PCGF5: variants seen among roughly 807,000 people sequenced by gnomAD.
PCGF5 encodes polycomb group ring finger 5.
A neutral mutation model predicts 44.3 loss-of-function variants in PCGF5; 9 were observed. The ratio of observed to expected loss-of-function variants is 0.20; its 90% CI spans 0.12 to 0.35. The LOEUF (loss-of-function observed/expected upper bound fraction) is 0.35. Among genes scored for constraint, PCGF5 ranks in the 10% least tolerant of loss-of-function variants. The pLI, the probability that PCGF5 is intolerant of heterozygous loss-of-function variation, is 1.00. For synonymous variants in PCGF5, 95 were observed against 102.5 expected, an observed-to-expected ratio of 0.93 and a Z score of 0.44; for missense variants, 146 against 305.3, an observed-to-expected ratio of 0.48 and a Z score of 3.89.
At chr10:91,160,659 G>A (rs900822203), upstream of PCGF5, among the ~76,000 whole-genome samples, 1 of 151,998 alleles carries the variant, frequency 6.6e-6, no homozygotes, top group East Asian at 1.9e-4. Flanking sequence ...GAAGTCAGGC[G>A]GAGATATATG....
Position 91,238,737 on chromosome 10 carries a change from G to A in PCGF5, c.113-1747G>A, listed in dbSNP as rs1845246717. Among the ~76,000 whole-genome samples the A allele has an allele frequency of 4.1e-5, 6 of 147,990 alleles. No homozygotes were observed. The South Asian group carries it at 1.3e-3, about 32-fold the overall frequency. On this transcript the variant is annotated intron_variant, in intron 2 of 9. Coordinates refer to ENST00000336126, the MANE Select transcript of PCGF5 (RefSeq NM_032373.5). ...CTTCTCTGTCTTCTACTTCAACTTG[G>A]CATAATAAGGCAGTCCTCTCTTCCC...
chr10:91,222,673 A>G lies in PCGF5; in HGVS notation c.-183-16A>G, dbSNP rs1013516645. 9.8e-5 allele frequency: 50 copies of G among 512,556 alleles called. 1 individual carries two copies. The Admixed American group carries it at 1.7e-3, about 18-fold the overall frequency. 31.8% of individuals were successfully genotyped at this position (512,556 alleles called of 1,614,324 possible). A position where few individuals can be genotyped will look rare whatever the true frequency, so the allele number is the denominator to read the frequency against. ...CGCTTTTTTCTCTCATCTTTTTGAA[A>G]TGATTTTGGAAACAGACATGGGAAA... On this transcript the variant is annotated splice_polypyrimidine_tract_variant and intron_variant, in intron 1 of 9. Coordinates refer to ENST00000336126, the MANE Select transcript of PCGF5 (RefSeq NM_032373.5).
At chr10:91,235,260 C>T (rs537035704) in intron 2 of PCGF5, among the ~76,000 whole-genome samples, 9 of 152,280 alleles carry the variant, frequency 5.9e-5, no homozygotes, top group Non-Finnish European at 1.2e-4. Context: ...AATTAGTGAT[C>T]ATGATGCCCA....
intron 8 of PCGF5, among the ~76,000 whole-genome samples, chr10:91,270,013 A>C (rs1846140363): frequency 1.3e-5 from 2 of 152,198 alleles, no homozygotes; most frequent in Non-Finnish European, 1.5e-5. Flanking sequence ...TTATATACTG[A>C]AGTGTTTAGC....
At chr10:91,225,291 T>C (rs1334413838) in intron 2 of PCGF5, among the ~76,000 whole-genome samples, 3 of 147,412 alleles carry the variant, frequency 2.0e-5, no homozygotes, top group Admixed American at 6.8e-5. Flanking sequence ...ATATATAACA[T>C]ATATATAACA....
chr10:91,252,848 G>A lies in PCGF5; in HGVS notation c.474+1408G>A, dbSNP rs562638971. Among the ~76,000 whole-genome samples, 197 of 152,076 alleles carry A rather than the reference G, an allele frequency of 1.3e-3. 1 individual carries two copies. Among genetic ancestry groups the A allele is most frequent in the African/African-American group, 4.4e-3 (182 of 41,504 alleles). ...TTCTCATATGAAAGTATAAAAGATT[G>A]AATTTTAGAAATTTATTTGAAAAAT... On this transcript the variant is annotated intron_variant, in intron 6 of 9. Transcript: ENST00000336126.
At chr10:91,181,306 G>A (rs1275122461) in intron 1 of PCGF5, among the ~76,000 whole-genome samples, 1 of 152,182 alleles carries the variant, frequency 6.6e-6, no homozygotes, top group Non-Finnish European at 1.5e-5. Context: ...TAAAAACAGG[G>A]ATAGTTTGAC....
intron 1 of PCGF5, among the ~76,000 whole-genome samples, chr10:91,209,049 T>G (rs1242756430): frequency 6.6e-6 from 1 of 152,246 alleles, no homozygotes. Context: ...GTTGGCACTC[T>G]GGCCATTTGT....
intron 1 of PCGF5, among the ~76,000 whole-genome samples, chr10:91,185,226 G>A (rs1177518851): frequency 1.3e-5 from 2 of 152,168 alleles, no homozygotes; most frequent in Non-Finnish European, 2.9e-5. Flanking sequence ...CTGGAGGCCT[G>A]GGTTGGGAGG....
chr10:91,190,574 G>A (rs907661554), intron 1 of PCGF5, among the ~76,000 whole-genome samples: 1 of 152,202 alleles, frequency 6.6e-6, no homozygotes, highest in Non-Finnish European at 1.5e-5. Context: ...GGTGAGGAAA[G>A]TTGATTGGTG....
intron 1 of PCGF5, among the ~76,000 whole-genome samples, chr10:91,179,799 G>A (rs749572565): frequency 3.3e-5 from 5 of 152,130 alleles, no homozygotes; most frequent in Non-Finnish European, 7.4e-5. Context: ...GAATAGTGCT[G>A]TGATAAACAT....
At chr10:91,259,470 A>T (rs1845839946) in intron 6 of PCGF5, among the ~76,000 whole-genome samples, 1 of 152,108 alleles carries the variant, frequency 6.6e-6, no homozygotes, top group Admixed American at 6.6e-5. Context: ...ATTGGAAAAA[A>T]CTAAAGTTCA....
At position 91,248,517 on chromosome 10, in the gene PCGF5, A is replaced by C; in HGVS notation, c.222A>C (p.Thr74=). The part of the protein sequence containing the change: ...NPLEMLRLDN[T]LEEIIFKLVP... ...CCCCCTTTCGAAGGTTGGACAATAC[A>C]TTAGAGGAAATTATATTTAAGCTGG... Residue 74 remains threonine, a synonymous_variant, in exon 4 of 10, where the codon ACA becomes ACC. Transcript: ENST00000336126. 3 of 1,612,862 alleles carry C rather than the reference A, an allele frequency of 1.9e-6. No homozygotes were observed. The highest frequency in any genetic ancestry group is 1.7e-6 in the Non-Finnish European group (2 of 1,179,102).
At chr10:91,247,593 G>T (rs77033468) in intron 3 of PCGF5, among the ~76,000 whole-genome samples, 1 of 151,002 alleles carries the variant, frequency 6.6e-6, no homozygotes, top group Non-Finnish European at 1.5e-5. Flanking sequence ...AGGCAGGAAG[G>T]GGGTGTTGTG....
At chr10:91,181,199 T>A (rs1843813592) in intron 1 of PCGF5, among the ~76,000 whole-genome samples, 1 of 152,200 alleles carries the variant, frequency 6.6e-6, no homozygotes, top group East Asian at 1.9e-4. Flanking sequence ...TTTTTGCATA[T>A]TGATTTTGTA....
chr10:91,251,792 TTC>T (rs369480937), intron 6 of PCGF5, among the ~76,000 whole-genome samples: 16 of 152,164 alleles, frequency 1.1e-4, no homozygotes, highest in African/African-American at 3.6e-4. Context: ...CTTTTATTCA[TTC>T]TCTTCTAATT....
chr10:91,209,445 CA>C (rs200495344), intron 1 of PCGF5, among the ~76,000 whole-genome samples: 2 of 148,706 alleles, frequency 1.3e-5, no homozygotes, highest in East Asian at 3.9e-4. Flanking sequence ...TTTGTCTTTA[CA>C]AAAAAAATTA....
rs561441173 is a variant in PCGF5, at chr10:91,202,367, C to T, written c.-183-20322C>T. Among the ~76,000 whole-genome samples the T allele has an allele frequency of 1.4e-3, 211 of 152,294 alleles. 1 individual carries two copies. Among genetic ancestry groups the T allele is most frequent in the African/African-American group, 4.6e-3 (192 of 41,560 alleles). The stretch of plus-strand genomic sequence containing the variant: ...TTAATTTTTGTGAACCTAATGATTT[C>T]AGTAAAACCCACCATTGTGACCTTG... On this transcript the variant is annotated intron_variant, in intron 1 of 9. Coordinates refer to the PCGF5 transcript ENST00000614189.
intron 1 of PCGF5, among the ~76,000 whole-genome samples, chr10:91,176,477 G>A (rs994514246): frequency 2.6e-4 from 39 of 152,172 alleles, no homozygotes; most frequent in Non-Finnish European, 3.5e-4. Flanking sequence ...GATTGGGGAC[G>A]TTCTCCTGGA....
Sources: gnomAD v4.1 joint callset for allele counts (sites outside exome capture counted in the v4.1 genomes callset) on GRCh38, gnomAD v4.1.1 for gene constraint, MANE v1.5 for transcripts, NCBI Gene and HGNC (gene_info 2026-07-23, HGNC 2026-07-21) for gene names.